Variants in MYRIP observed in about 807,000 individuals in gnomAD.
MYRIP encodes the protein myosin VIIA and Rab interacting protein.
In MYRIP, 49 loss-of-function variants were observed where a neutral mutation model predicts 98.0. The observed-to-expected ratio is 0.50, with a 90% CI of 0.40 to 0.63. The LOEUF (loss-of-function observed/expected upper bound fraction) is 0.63, where lower values mean the gene tolerates loss of function less well. Among genes scored for constraint, MYRIP ranks in the 30% least tolerant of loss-of-function variants. The pLI, the probability that MYRIP is intolerant of heterozygous loss-of-function variation, is 0.00. For synonymous variants in MYRIP, 404 were observed against 409.5 expected, an observed-to-expected ratio of 0.99 and a Z score of 0.16; for missense variants, 1,004 against 1,058.2, an observed-to-expected ratio of 0.95 and a Z score of 0.71.
chr3:39,834,301 A>G (rs893375178), intron 1 of MYRIP, among the ~76,000 whole-genome samples: 2 of 152,236 alleles, frequency 1.3e-5, no homozygotes, highest in Non-Finnish European at 2.9e-5. Context: ...AAAATAGGCT[A>G]TTTGTATATT....
intron 2 of MYRIP, among the ~76,000 whole-genome samples, chr3:39,978,803 A>G (rs755630144): frequency 6.6e-6 from 1 of 150,898 alleles, no homozygotes; most frequent in Non-Finnish European, 1.5e-5. Flanking sequence ...CACTTTATCT[A>G]TGTGTTTTAC....
chr3:39,859,199 A>G (rs1664153480), intron 1 of MYRIP, among the ~76,000 whole-genome samples: 2 of 152,070 alleles, frequency 1.3e-5, no homozygotes, highest in Admixed American at 1.3e-4. Flanking sequence ...GAAACAGGAT[A>G]CAACTGATAC....
At chr3:40,080,727 T>C (rs890192185) in intron 3 of MYRIP, among the ~76,000 whole-genome samples, 2 of 151,388 alleles carry the variant, frequency 1.3e-5, no homozygotes, top group African/African-American at 4.8e-5. Flanking sequence ...TTTTCTCTTT[T>C]CAAAAAACCA....
intron 3 of MYRIP, among the ~76,000 whole-genome samples, chr3:40,144,778 A>C (rs1400054308): frequency 6.6e-6 from 1 of 152,230 alleles, no homozygotes; most frequent in Admixed American, 6.5e-5. Context: ...AAAATGACAG[A>C]TGCTTCTTGT....
At chr3:39,972,219 C>T (rs1293939612) in intron 2 of MYRIP, among the ~76,000 whole-genome samples, 1 of 151,980 alleles carries the variant, frequency 6.6e-6, no homozygotes, top group Admixed American at 6.6e-5. Context: ...CTGGAATTTT[C>T]TCTTTCAGTG....
chr3:39,968,313 CA>C (rs965778880), intron 2 of MYRIP, among the ~76,000 whole-genome samples: 5 of 151,876 alleles, frequency 3.3e-5, no homozygotes, highest in Non-Finnish European at 1.5e-5. Context: ...GCTGGGACTA[CA>C]GGCACGTGCC....
chr3:40,128,210 G>C (rs1238151245), intron 3 of MYRIP, among the ~76,000 whole-genome samples: 2 of 152,170 alleles, frequency 1.3e-5, no homozygotes, highest in South Asian at 2.1e-4. Flanking sequence ...TACATACAGG[G>C]GAGAGAGTCC....
chr3:39,913,391 G>A (rs937112362), intron 2 of MYRIP, among the ~76,000 whole-genome samples: 1 of 151,996 alleles, frequency 6.6e-6, no homozygotes, highest in Non-Finnish European at 1.5e-5. Context: ...AAGATATTTG[G>A]GTAATTTAAT....
At position 39,956,462 on chromosome 3, in the gene MYRIP, G is replaced by T. The variant is rs58810308; in HGVS notation, c.110+55536G>T. Reference sequence around the variant, plus strand: ...ATAACAAAATGAAGGCAGAAATAAAGATGTTCTTTGAAACCAACAAGAACA... The same window carrying T: ...ATAACAAAATGAAGGCAGAAATAAATATGTTCTTTGAAACCAACAAGAACA... On this transcript the variant is annotated intron_variant, in intron 2 of 16. Transcript: ENST00000302541. 1.6e-3 allele frequency among the ~76,000 whole-genome samples: 237 copies of T among 152,240 alleles called. 1 individual carries two copies. The highest frequency in any genetic ancestry group is 5.6e-3 in the African/African-American group (232 of 41,526).
Position 39,905,650 on chromosome 3 carries a change from AAGGT to A in MYRIP, c.110+4725_110+4728del, listed in dbSNP as rs1943860981. Among the ~76,000 whole-genome samples, 3 of 152,154 alleles carry A rather than the reference AAGGT, an allele frequency of 2.0e-5. No individual in the cohort carries two copies. In the South Asian group the frequency reaches 6.2e-4, roughly 32 times the overall value. ...ATAATAGCTTTACTCTCATACATAC[AAGGT>A]TGGGGCATTCACCCGCTGTTCCAAA... is the stretch of plus-strand genomic sequence containing the variant. On this transcript the variant is annotated intron_variant, in intron 2 of 16. Coordinates refer to ENST00000302541, the MANE Select transcript of MYRIP (RefSeq NM_015460.4).
rs539908121 is a variant in MYRIP, at chr3:39,880,120, A to G, written c.-30-20667A>G. The stretch of plus-strand genomic sequence containing the variant: ...TGTGCACAACGTGCAGGTTTGTTAC[A>G]TATGTATACATGTGCCATGCTGCTG... On this transcript the variant is annotated intron_variant, in intron 1 of 16. Transcript: ENST00000302541. Among the ~76,000 whole-genome samples the G allele has an allele frequency of 1.2e-3, 180 of 152,094 alleles. 2 individuals carry two copies. The South Asian group carries it at 0.036, about 30-fold the overall frequency.
At chr3:40,250,688 G>C (rs1290413079) in intron 15 of MYRIP, among the ~76,000 whole-genome samples, 189 bp downstream of exon 15, 1 of 152,232 alleles carries the variant, frequency 6.6e-6, no homozygotes, top group Non-Finnish European at 1.5e-5. Context: ...AAAGTAGCTT[G>C]TTTGGAAGGT....
intron 3 of MYRIP, among the ~76,000 whole-genome samples, chr3:40,091,983 G>T (rs1223197390): frequency 2.0e-5 from 3 of 152,212 alleles, no homozygotes; most frequent in Non-Finnish European, 2.9e-5. Context: ...ATTGCAAAGA[G>T]ACACATTAGA....
At chr3:39,834,017 G>A (rs1267865648) in intron 1 of MYRIP, among the ~76,000 whole-genome samples, 2 of 152,278 alleles carry the variant, frequency 1.3e-5, no homozygotes, top group Middle Eastern at 3.4e-3. Context: ...CAACAAGAGC[G>A]AAACTCTGTC....
At chr3:39,908,104 G>T (rs939958473) in intron 2 of MYRIP, among the ~76,000 whole-genome samples, 2 of 152,176 alleles carry the variant, frequency 1.3e-5, no homozygotes, top group African/African-American at 4.8e-5. Context: ...AAGGTTGCTG[G>T]TGCTCTAATG....
chr3:39,913,883 A>G (rs1320673254), intron 2 of MYRIP, among the ~76,000 whole-genome samples: 7 of 152,210 alleles, frequency 4.6e-5, no homozygotes, highest in Non-Finnish European at 8.8e-5. Flanking sequence ...TCCACATTCT[A>G]TGGAAGCACT....
intron 3 of MYRIP, among the ~76,000 whole-genome samples, chr3:40,121,247 C>T (rs977903369): frequency 2.6e-5 from 4 of 152,146 alleles, no homozygotes; most frequent in Non-Finnish European, 4.4e-5. Flanking sequence ...CACACACCCA[C>T]CTCCAGACCA....
Position 40,212,205 on chromosome 3 carries a change from CGTGTGT to C in MYRIP, c.1905+2115_1905+2120del, listed in dbSNP as rs1160660695. On this transcript the variant is annotated intron_variant, in intron 11 of 16. Transcript: ENST00000302541. ...GTGTATGTGTATATACATATATATA[CGTGTGT>C]GTATATATATATATACACACACACA... Among the ~76,000 whole-genome samples, 9 of 37,480 alleles carry C rather than the reference CGTGTGT, an allele frequency of 2.4e-4. 2 individuals are homozygous for C. The highest frequency in any genetic ancestry group is 1.2e-3 in the Admixed American group (3 of 2,512). 24.6% of individuals were successfully genotyped at this position (37,480 alleles called of 152,430 possible).
chr3:40,167,554 A>G (rs1442629681), intron 7 of MYRIP, among the ~76,000 whole-genome samples: 2 of 152,100 alleles, frequency 1.3e-5, no homozygotes, highest in Non-Finnish European at 2.9e-5. Context: ...TCCACAGCCA[A>G]TTCTCCAACA....
Sources: allele counts gnomAD v4.1 joint callset (sites outside exome capture counted in the v4.1 genomes callset), GRCh38; gene constraint gnomAD v4.1.1; transcripts MANE v1.5; gene names NCBI Gene and HGNC (gene_info 2026-07-23, HGNC 2026-07-21).